Variants in TACC2 observed in about 807,000 individuals in gnomAD.
The protein encoded by TACC2 is transforming acidic coiled-coil-containing protein 2.
TACC2 carries 137 observed loss-of-function variants against 227.3 expected under a neutral mutation model. The observed-to-expected ratio is 0.60, with a 90% CI of 0.52 to 0.69. TACC2 has a LOEUF of 0.69. Ranked by LOEUF, TACC2 falls within the 30% of genes least tolerant of loss-of-function variation. TACC2 has a pLI of 0.00. For synonymous variants in TACC2, 1,523 were observed against 1,487.5 expected, an observed-to-expected ratio of 1.02 and a Z score of -0.55; for missense variants, 3,470 against 3,694.4, an observed-to-expected ratio of 0.94 and a Z score of 1.57.
chr10:121,998,944 C>T (rs949143943), intron 1 of TACC2, among the ~76,000 whole-genome samples: 2 of 151,964 alleles, frequency 1.3e-5, no homozygotes, highest in African/African-American at 4.8e-5. Context: ...TGCTTGTGCT[C>T]AGTTACATGT....
chr10:122,089,184 C>T (rs2080435266), intron 5 of TACC2, among the ~76,000 whole-genome samples: 1 of 152,158 alleles, frequency 6.6e-6, no homozygotes, highest in Non-Finnish European at 1.5e-5. Flanking sequence ...AATTCAGTGG[C>T]TTGTAGTATA....
intron 5 of TACC2, among the ~76,000 whole-genome samples, chr10:122,098,610 C>T (rs780989545): frequency 3.3e-5 from 5 of 152,164 alleles, no homozygotes; most frequent in Non-Finnish European, 7.4e-5. Flanking sequence ...TAAAAAATAA[C>T]GTGTGAAAAG....
In TACC2 at chr10:122,248,671, C is replaced by T. The variant is rs756806235; in HGVS notation, c.8421C>T (p.Ser2807=). 2 of 1,613,594 alleles carry T rather than the reference C, an allele frequency of 1.2e-6. No homozygotes were observed. Among genetic ancestry groups the T allele is most frequent in the African/African-American group, 1.3e-5 (1 of 74,910 alleles). Residue 2807 remains serine (S), a synonymous_variant, in exon 20 of 23, where the codon TCC becomes TCT. Coordinates refer to ENST00000369005, the MANE Select transcript of TACC2 (RefSeq NM_206862.4). The part of the protein sequence containing the change: ...IEDEQREKSV[S]HQTVQQLVLE... ...ACGAACAGAGAGAGAAGTCAGTCTCCCACCAGACGGTGCAGCAGCTGGTTC... is the reference window on the plus strand; with the variant it reads ...ACGAACAGAGAGAGAAGTCAGTCTCTCACCAGACGGTGCAGCAGCTGGTTC...
chr10:122,143,291 T>C (rs1474915166), intron 6 of TACC2, among the ~76,000 whole-genome samples: 1 of 152,148 alleles, frequency 6.6e-6, no homozygotes, highest in South Asian at 2.1e-4. Context: ...ACATAGCGTG[T>C]CCTGGACACC....
At chr10:122,176,418 G>T (rs1292064357) in intron 7 of TACC2, among the ~76,000 whole-genome samples, 3 of 152,050 alleles carry the variant, frequency 2.0e-5, no homozygotes, top group Admixed American at 6.6e-5. Flanking sequence ...TTGCGCCCTC[G>T]GTTGGACAGT....
intron 5 of TACC2, among the ~76,000 whole-genome samples, chr10:122,131,333 A>G (rs753166785): frequency 3.0e-4 from 46 of 152,158 alleles, no homozygotes; most frequent in Non-Finnish European, 5.6e-4. Flanking sequence ...CCTGCTACTT[A>G]TGGCTACAGA....
At position 122,082,578 on chromosome 10, in the gene TACC2, G is replaced by A. The variant is rs962547637; in HGVS notation, c.147-69G>A. 3.3e-6 allele frequency: 5 copies of A among 1,526,628 alleles called. No homozygotes were observed. The African/African-American group carries it at 6.9e-5, about 21-fold the overall frequency. The allele number at this position is 1,526,628 out of a possible 1,614,324, so 94.6% of individuals were successfully genotyped here. The stretch of plus-strand genomic sequence containing the variant: ...CCCTTTTGTGGGGGTGGGTTGGGGG[G>A]TGACCTGCCTGCAGTGTGGCTCTGT... On this transcript the variant is annotated intron_variant, in intron 3 of 22. Transcript: ENST00000369005.
In TACC2 at chr10:122,084,055, C is replaced by T; in HGVS notation, c.1555C>T (p.Pro519Ser). Residue 519 changes from proline to serine, a missense_variant, in exon 4 of 23, where the codon CCC (proline) becomes TCC (serine). Pro to Ser is a moderately conservative substitution (Grantham distance 74). Coordinates refer to ENST00000369005, the MANE Select transcript of TACC2 (RefSeq NM_206862.4). ...VQPGVPPPPL[P>S]KEQSHEVQPG... Reference sequence around the variant, plus strand: ...ACCAGGAGTACCACCCCCTCCTCTTCCCAAGGAGCAAAGCCATGAGGTCCA... The same window carrying T: ...ACCAGGAGTACCACCCCCTCCTCTTTCCAAGGAGCAAAGCCATGAGGTCCA... 6.2e-7 allele frequency: 1 copy of T among 1,613,964 alleles called. No individual in the cohort carries two copies. Among genetic ancestry groups the T allele is most frequent in the South Asian group, 1.1e-5 (1 of 91,068 alleles).
Position 122,209,405 on chromosome 10 carries a change from T to C in TACC2, c.5972-992T>C, listed in dbSNP as rs2140998489. 6.6e-6 allele frequency among the ~76,000 whole-genome samples: 1 copy of C among 152,294 alleles called. No individual in the cohort carries two copies. The highest frequency in any genetic ancestry group is 6.5e-5 in the Admixed American group (1 of 15,294). ...GCCTTCCTGCAGGATTTCTCTGTCTTCCTGTCCCACTCTTGACCCTTGCTT... is the reference window on the plus strand; with the variant it reads ...GCCTTCCTGCAGGATTTCTCTGTCTCCCTGTCCCACTCTTGACCCTTGCTT... On this transcript the variant is annotated intron_variant, in intron 8 of 22. Coordinates refer to ENST00000369005, the MANE Select transcript of TACC2 (RefSeq NM_206862.4). The surrounding 1 kb of genome is among the most constrained non-coding windows in gnomAD (Gnocchi z 4.5).
intron 19 of TACC2, among the ~76,000 whole-genome samples, chr10:122,245,751 C>T (rs74594560): frequency 0.012 from 1,892 of 152,190 alleles, 45 homozygotes; most frequent in African/African-American, 0.043. Flanking sequence ...GTTACCAATA[C>T]GGGACTCTTC....
chr10:122,135,002 T>C (rs2089290557), intron 6 of TACC2, among the ~76,000 whole-genome samples: 1 of 152,224 alleles, frequency 6.6e-6, no homozygotes, highest in African/African-American at 2.4e-5. Flanking sequence ...CCAGGCACCA[T>C]GCTGGGTGTG....
intron 2 of TACC2, among the ~76,000 whole-genome samples, chr10:122,040,349 G>A (rs572664533): frequency 6.6e-6 from 1 of 152,258 alleles, no homozygotes; most frequent in South Asian, 2.1e-4. Context: ...GCTGTGATGA[G>A]AGCTGTCTCC....
chr10:122,192,680 T>C (rs1184318766), intron 7 of TACC2: 1 of 456,570 alleles, frequency 2.2e-6, no homozygotes, highest in Non-Finnish European at 4.4e-6. Context: ...TCAGCGGAAA[T>C]GGCCTATGCC....
rs1198989164 is a variant in TACC2, at chr10:122,211,365, A to G, written c.6940A>G (p.Thr2314Ala). The G allele has an allele frequency of 1.9e-6, 3 of 1,613,318 alleles. No homozygotes were observed. Among genetic ancestry groups the G allele is most frequent in the Admixed American group, 3.3e-5 (2 of 59,928 alleles). The change falls in exon 9 of 23, where the codon ACT becomes GCT. Residue 2314 changes from threonine (T) to alanine (A), a missense_variant. Transcript: ENST00000369005. ...MKKTPEKLDN[T>A]PASPPRSPAE... ...AAAGACACCCGAGAAACTTGACAAC[A>G]CTCCTGCCTCACCTCCCAGATCCCC...
At position 122,050,488 on chromosome 10, in the gene TACC2, TC is replaced by T; in HGVS notation, c.85del (p.Gln29ArgfsTer3). 1 of 1,613,836 alleles carries T rather than the reference TC, an allele frequency of 6.2e-7. No individual in the cohort carries two copies. The highest frequency in any genetic ancestry group is 1.1e-5 in the South Asian group (1 of 91,046). ...GGTCCGCGCAGCCACCCGGGAACAG[TC>T]AGAATATAAAAAGGAAGCAGCAGGA... Reference protein sequence around the residue: ...PRSAQPPGNSQNIKRKQQDTP... With the variant: ...PRSAQPPGNSXNIKRKQQDTP... On this transcript the variant is annotated frameshift_variant, in exon 3 of 23. Coordinates refer to ENST00000369005, the MANE Select transcript of TACC2 (RefSeq NM_206862.4). LOFTEE classifies it high-confidence loss of function. This position sits in a 1 kb window ranked among gnomAD's most constrained non-coding sequence, Gnocchi z 4.6.
intron 3 of TACC2, among the ~76,000 whole-genome samples, chr10:122,074,942 T>C (rs1591717834): frequency 6.6e-6 from 1 of 152,090 alleles, no homozygotes; most frequent in East Asian, 1.9e-4. Flanking sequence ...ACATATCCCA[T>C]GGGCCAATTC....
intron 2 of TACC2, among the ~76,000 whole-genome samples, chr10:122,044,555 G>A (rs1002266534): frequency 6.6e-6 from 1 of 152,190 alleles, no homozygotes; most frequent in Admixed American, 6.5e-5. Flanking sequence ...CGTTCAAAGA[G>A]GGGGCGACTT....
Position 122,087,748 on chromosome 10 carries a change from G to A in TACC2, c.5248G>A (p.Ala1750Thr), listed in dbSNP as rs1371194782. The change falls in exon 4 of 23, where the codon GCC (alanine) becomes ACC (threonine). Residue 1750 changes from alanine to threonine, a missense_variant. Physicochemically the swap from Ala to Thr is moderately conservative, Grantham distance 58. Around this residue, in one of 10 missense-constraint regions of TACC2, gnomAD observed 1,924 missense variants for 1,978.3 expected, o/e 0.97. Coordinates refer to ENST00000369005, the MANE Select transcript of TACC2 (RefSeq NM_206862.4). ...GCTGCCAGGAAGCTGTCAGGACCCA[G>A]CCTGCTCTGACAAGGCTCCGGGGAT... The part of the protein sequence containing the change: ...LVLPGSCQDP[A>T]CSDKAPGMEG... 6.2e-7 allele frequency: 1 copy of A among 1,611,382 alleles called. No homozygotes were observed. The highest frequency in any genetic ancestry group is 1.1e-5 in the South Asian group (1 of 90,764).
chr10:122,204,914 C>T (rs571009587), intron 8 of TACC2, among the ~76,000 whole-genome samples: 6 of 152,190 alleles, frequency 3.9e-5, no homozygotes, highest in South Asian at 2.1e-4. Context: ...CTGAACCGCC[C>T]GCACAGCACA....
Sources: allele counts gnomAD v4.1 joint callset (sites outside exome capture counted in the v4.1 genomes callset), GRCh38; gene constraint gnomAD v4.1.1; regional missense constraint gnomAD v4.1.1; non-coding constraint Gnocchi (gnomAD v3.1); transcripts MANE v1.5; gene names NCBI Gene and HGNC (gene_info 2026-07-23, HGNC 2026-07-21).